Variants in BMPER observed in about 807,000 individuals in gnomAD.
BMPER encodes the protein BMP-binding endothelial regulator protein.
BMPER carries 45 observed loss-of-function variants against 87.3 expected under a neutral mutation model. The ratio of observed to expected loss-of-function variants is 0.52; its 90% CI spans 0.41 to 0.66. BMPER has a LOEUF of 0.66. BMPER is among the 30% of genes least tolerant of loss of function. The probability of loss-of-function intolerance (pLI) is 0.00; values close to 1 mark genes in which losing one functional copy is unlikely to be tolerated. For synonymous variants in BMPER, 326 were observed against 316.2 expected, an observed-to-expected ratio of 1.03 and a Z score of -0.33; for missense variants, 784 against 867.5, an observed-to-expected ratio of 0.90 and a Z score of 1.21.
At chr7:33,952,769 A>T (rs986058477) in intron 3 of BMPER, among the ~76,000 whole-genome samples, 2 of 152,050 alleles carry the variant, frequency 1.3e-5, no homozygotes, top group Non-Finnish European at 2.9e-5. Context: ...TGATTCCTTT[A>T]TTTTCTTTTT....
At chr7:33,933,385 C>T (rs1010632114) in intron 2 of BMPER, among the ~76,000 whole-genome samples, 1 of 150,654 alleles carries the variant, frequency 6.6e-6, no homozygotes, top group African/African-American at 2.4e-5. Context: ...GAGGGACACA[C>T]GGGAGACTAA....
chr7:34,060,650 C>G (rs982541133), intron 10 of BMPER, among the ~76,000 whole-genome samples: 2 of 152,182 alleles, frequency 1.3e-5, no homozygotes, highest in Non-Finnish European at 2.9e-5. Flanking sequence ...CTGATTCTTT[C>G]TTTTTGAGTA....
At chr7:33,955,116 C>G (rs1331445115) in intron 3 of BMPER, among the ~76,000 whole-genome samples, 1 of 152,204 alleles carries the variant, frequency 6.6e-6, no homozygotes, top group Non-Finnish European at 1.5e-5. Flanking sequence ...AGGCTGGTCT[C>G]AAACTCTCGA....
chr7:33,995,802 C>T (rs1027458098), intron 6 of BMPER, among the ~76,000 whole-genome samples: 12 of 152,110 alleles, frequency 7.9e-5, no homozygotes, highest in Non-Finnish European at 1.8e-4. Flanking sequence ...GAATTGGGGT[C>T]CCATGTTCAG....
chr7:34,077,972 T>G (rs1247581855), intron 11 of BMPER, among the ~76,000 whole-genome samples: 1 of 152,198 alleles, frequency 6.6e-6, no homozygotes, highest in Non-Finnish European at 1.5e-5. Flanking sequence ...ATTTCCTGGT[T>G]GTTTCATGCC....
intron 10 of BMPER, among the ~76,000 whole-genome samples, chr7:34,060,021 T>C (rs1203916835): frequency 6.6e-6 from 1 of 152,176 alleles, no homozygotes; most frequent in East Asian, 1.9e-4. Flanking sequence ...TGAGATTTTA[T>C]AGTGACAACA....
chr7:33,929,800 A>G (rs1562636428), intron 2 of BMPER, among the ~76,000 whole-genome samples: 1 of 152,236 alleles, frequency 6.6e-6, no homozygotes, highest in Non-Finnish European at 1.5e-5. Flanking sequence ...TAAATGACAA[A>G]ATACACAAAA....
In BMPER at chr7:33,948,401, T is replaced by C. The variant is rs150621272; in HGVS notation, c.319+11013T>C. ...CTGATTTAGCAGATGGGAAAACTTA[T>C]ATGATGAGAGAGATTGTACAAATGC... is the stretch of plus-strand genomic sequence containing the variant. On this transcript the variant is annotated intron_variant, in intron 3 of 14. Transcript: ENST00000649409. 5.4e-3 allele frequency among the ~76,000 whole-genome samples: 817 copies of C among 152,296 alleles called. 7 individuals are homozygous for C. Among genetic ancestry groups the C allele is most frequent in the Middle Eastern group, 0.031 (9 of 294 alleles).
At chr7:34,042,030 A>G (rs1398775000) in intron 6 of BMPER, among the ~76,000 whole-genome samples, 2 of 152,148 alleles carry the variant, frequency 1.3e-5, no homozygotes, top group African/African-American at 4.8e-5. Flanking sequence ...GTGTATGCAC[A>G]TGGCTGTTGT....
chr7:33,989,484 T>G (rs1291971075), intron 6 of BMPER, among the ~76,000 whole-genome samples: 1 of 152,246 alleles, frequency 6.6e-6, no homozygotes, highest in African/African-American at 2.4e-5. Flanking sequence ...CTTGTAAATT[T>G]GTTTGAGTTC....
chr7:34,001,735 A>G (rs144988466), intron 6 of BMPER, among the ~76,000 whole-genome samples: 1,948 of 151,720 alleles, frequency 0.013, 19 homozygotes, highest in Middle Eastern at 0.027. Context: ...TTTAGTTACT[A>G]TTCTTTTCCT....
chr7:34,144,914 A>G (rs146929534), intron 14 of BMPER, among the ~76,000 whole-genome samples: 164 of 152,324 alleles, frequency 1.1e-3, no homozygotes, highest in African/African-American at 3.8e-3. Flanking sequence ...CAATGTCTAC[A>G]TTGGTTGAAG....
intron 6 of BMPER, among the ~76,000 whole-genome samples, chr7:33,989,096 A>G (rs1460401595): frequency 7.5e-6 from 1 of 133,118 alleles, no homozygotes; most frequent in Non-Finnish European, 1.6e-5. Flanking sequence ...GTGTCTTTAT[A>G]GCAGCATGAT....
At chr7:34,039,281 C>T (rs1787768575) in intron 6 of BMPER, among the ~76,000 whole-genome samples, 1 of 152,184 alleles carries the variant, frequency 6.6e-6, no homozygotes. Context: ...GTGCCTTGGA[C>T]AGAGGCATTT....
chr7:33,946,212 T>C (rs1193887939), intron 3 of BMPER, among the ~76,000 whole-genome samples: 4 of 152,106 alleles, frequency 2.6e-5, no homozygotes, highest in Non-Finnish European at 5.9e-5. Flanking sequence ...GAGAACTCAC[T>C]ATCATGAGAA....
chr7:34,114,625 A>G (rs1482328032), intron 13 of BMPER, among the ~76,000 whole-genome samples: 1 of 152,258 alleles, frequency 6.6e-6, no homozygotes, highest in East Asian at 1.9e-4. Flanking sequence ...AACTGTGATA[A>G]GTGCAAAATG....
intron 13 of BMPER, among the ~76,000 whole-genome samples, chr7:34,121,924 C>A (rs1790273235): frequency 6.6e-6 from 1 of 151,330 alleles, no homozygotes; most frequent in African/African-American, 2.4e-5. Context: ...AGTTCAAGAG[C>A]AGCCTGGGCA....
At chr7:33,976,096 C>T (rs567641573) in intron 6 of BMPER, among the ~76,000 whole-genome samples, 1 of 152,150 alleles carries the variant, frequency 6.6e-6, no homozygotes, top group South Asian at 2.1e-4. Context: ...CTTGCATATT[C>T]CAACTCAACC....
intron 2 of BMPER, among the ~76,000 whole-genome samples, chr7:33,923,629 A>G (rs1318107918): frequency 6.6e-6 from 1 of 152,154 alleles, no homozygotes. Flanking sequence ...AATACCTGGC[A>G]CAGTGGCAGG....
Sources: allele counts gnomAD v4.1 joint callset (sites outside exome capture counted in the v4.1 genomes callset), GRCh38; gene constraint gnomAD v4.1.1; transcripts MANE v1.5; gene names NCBI Gene and HGNC (gene_info 2026-07-23, HGNC 2026-07-21).